The following LDB2 variants were observed in gnomAD, a reference collection of about 807,000 sequenced individuals.
The protein encoded by LDB2 is LIM domain binding 2, also known as LIM domain-binding protein 2.
Under a neutral mutation model 44.3 loss-of-function variants are expected in LDB2, and 12 were observed. That is an observed-to-expected ratio of 0.27 (90% CI 0.17 to 0.44). The LOEUF (loss-of-function observed/expected upper bound fraction) is 0.44, where lower values mean the gene tolerates loss of function less well. Among genes scored for constraint, LDB2 ranks in the 20% least tolerant of loss-of-function variants. The pLI, the probability that LDB2 is intolerant of heterozygous loss-of-function variation, is 1.00. For synonymous variants in LDB2, 164 were observed against 174.8 expected, an observed-to-expected ratio of 0.94 and a Z score of 0.49; for missense variants, 344 against 473.5, an observed-to-expected ratio of 0.73 and a Z score of 2.54.
intron 2 of LDB2, among the ~76,000 whole-genome samples, chr4:16,717,025 G>T (rs1256685154): frequency 1.3e-5 from 2 of 151,944 alleles, no homozygotes; most frequent in African/African-American, 4.8e-5. Flanking sequence ...GTTTTTAAAA[G>T]ACTTTAATAT....
At chr4:16,836,432 C>A (rs1784892224) in intron 1 of LDB2, among the ~76,000 whole-genome samples, 1 of 152,164 alleles carries the variant, frequency 6.6e-6, no homozygotes, top group African/African-American at 2.4e-5. Flanking sequence ...CCATAGGTTT[C>A]CATTTTCCAG....
chr4:16,782,313 C>T (rs1344958091), intron 1 of LDB2, among the ~76,000 whole-genome samples: 5 of 152,050 alleles, frequency 3.3e-5, no homozygotes, highest in African/African-American at 1.2e-4. Context: ...ATACTTGGCG[C>T]TCAACAAATG....
At chr4:16,566,858 A>T (rs909052635) in intron 5 of LDB2, among the ~76,000 whole-genome samples, 2 of 152,220 alleles carry the variant, frequency 1.3e-5, no homozygotes, top group Non-Finnish European at 2.9e-5. Flanking sequence ...TTCACAAGAA[A>T]GAAAATAAAG....
At chr4:16,683,800 G>T (rs1049376137) in intron 2 of LDB2, among the ~76,000 whole-genome samples, 2 of 152,132 alleles carry the variant, frequency 1.3e-5, no homozygotes, top group African/African-American at 2.4e-5. Context: ...ACTTTCTGAC[G>T]GGGAGGTTCA....
At position 16,591,305 on chromosome 4, in the gene LDB2, G is replaced by C. The variant is rs79076043; in HGVS notation, c.409-2473C>G. ...ATTACTCAGTTGGAGCATCTGTAAG[G>C]TCAACTTAAATTGTGTCCTTTGTTC... On this transcript the variant is annotated intron_variant, in intron 3 of 7. Coordinates refer to ENST00000304523, the MANE Select transcript of LDB2 (RefSeq NM_001290.5). Among the ~76,000 whole-genome samples the C allele has an allele frequency of 2.6e-5, 4 of 152,122 alleles. No individual in the cohort carries two copies. In the East Asian group the frequency reaches 7.7e-4, roughly 29 times the overall value.
At chr4:16,887,644 T>C (rs1722131697) in intron 1 of LDB2, among the ~76,000 whole-genome samples, 2 of 151,640 alleles carry the variant, frequency 1.3e-5, no homozygotes, top group African/African-American at 2.4e-5. Context: ...TCCTAAGAAA[T>C]GACCTACGTT....
intron 2 of LDB2, among the ~76,000 whole-genome samples, chr4:16,605,903 C>T (rs1723802468): frequency 6.6e-6 from 1 of 152,134 alleles, no homozygotes; most frequent in South Asian, 2.1e-4. Flanking sequence ...GGGGAGAACT[C>T]ATTTGGACTT....
intron 5 of LDB2, among the ~76,000 whole-genome samples, chr4:16,562,694 G>C (rs1266595263): frequency 6.6e-6 from 1 of 152,212 alleles, no homozygotes; most frequent in South Asian, 2.1e-4. Context: ...AATACCATTT[G>C]ACCCAGCCAT....
chr4:16,681,217 T>A (rs1747757091), intron 2 of LDB2, among the ~76,000 whole-genome samples: 1 of 152,220 alleles, frequency 6.6e-6, no homozygotes, highest in Admixed American at 6.5e-5. Flanking sequence ...TTCAAGGGAT[T>A]CAATTTGAAA....
intron 3 of LDB2, among the ~76,000 whole-genome samples, chr4:16,592,505 TAC>T (rs58460959): frequency 1.9e-5 from 2 of 108,058 alleles, no homozygotes; most frequent in East Asian, 5.3e-4. Flanking sequence ...TATATATATA[TAC>T]ACACACACAC....
chr4:16,793,963 C>T (rs1171153449), intron 1 of LDB2, among the ~76,000 whole-genome samples: 2 of 152,132 alleles, frequency 1.3e-5, no homozygotes, highest in African/African-American at 4.8e-5. Flanking sequence ...TTTCCTACCC[C>T]TCTCGGTAAT....
intron 2 of LDB2, among the ~76,000 whole-genome samples, chr4:16,712,994 A>G (rs1411390813): frequency 2.6e-5 from 4 of 152,256 alleles, no homozygotes; most frequent in African/African-American, 9.6e-5. Flanking sequence ...TTGTGGTATA[A>G]CCATGCAATG....
chr4:16,797,236 T>C (rs1029468205), intron 1 of LDB2, among the ~76,000 whole-genome samples: 1 of 152,166 alleles, frequency 6.6e-6, no homozygotes, highest in African/African-American at 2.4e-5. Context: ...GATCCGCCTT[T>C]GGCTGAAAAA....
At chr4:16,794,197 T>C (rs1776303249) in intron 1 of LDB2, among the ~76,000 whole-genome samples, 1 of 152,128 alleles carries the variant, frequency 6.6e-6, no homozygotes, top group Non-Finnish European at 1.5e-5. Context: ...GCTGACACCC[T>C]GGGGCAGAGC....
chr4:16,710,507 C>A (rs374509336), intron 2 of LDB2, among the ~76,000 whole-genome samples: 1 of 152,082 alleles, frequency 6.6e-6, no homozygotes, highest in South Asian at 2.1e-4. Context: ...CCCGAGGAAT[C>A]TGAAGCTATT....
chr4:16,589,258 G>A (rs1436911359), intron 3 of LDB2, among the ~76,000 whole-genome samples: 3 of 152,154 alleles, frequency 2.0e-5, no homozygotes, highest in African/African-American at 7.2e-5. Context: ...ACTCATTCAT[G>A]GTTAAGTGTG....
chr4:16,871,627 T>C (rs80052716), intron 1 of LDB2, among the ~76,000 whole-genome samples: 3 of 112,808 alleles, frequency 2.7e-5, no homozygotes, highest in African/African-American at 2.9e-5. Context: ...CTTTCTTTTT[T>C]TTTTTTTTTT....
At chr4:16,560,067 G>T (rs1209377941) in intron 5 of LDB2, among the ~76,000 whole-genome samples, 2 of 152,200 alleles carry the variant, frequency 1.3e-5, no homozygotes, top group South Asian at 4.1e-4. Flanking sequence ...ATTCAAAGCA[G>T]TGTGTAGAGG....
intron 5 of LDB2, among the ~76,000 whole-genome samples, chr4:16,512,478 A>C (rs919969928): frequency 2.0e-5 from 3 of 151,938 alleles, no homozygotes; most frequent in African/African-American, 4.8e-5. Context: ...AACAAACAAA[A>C]AAAACCCCTC....
Sources: allele counts gnomAD v4.1 joint callset (sites outside exome capture counted in the v4.1 genomes callset), GRCh38; gene constraint gnomAD v4.1.1; transcripts MANE v1.5; gene names NCBI Gene and HGNC (gene_info 2026-07-23, HGNC 2026-07-21).